The following NRXN3 variants were observed in gnomAD, a reference collection of about 807,000 sequenced individuals.
The protein encoded by NRXN3 is neurexin 3.
NRXN3 carries 32 observed loss-of-function variants against 137.6 expected under a neutral mutation model. The observed-to-expected ratio is 0.23, with a 90% CI of 0.18 to 0.31. The LOEUF (loss-of-function observed/expected upper bound fraction) is 0.31, where lower values mean the gene tolerates loss of function less well. NRXN3 is among the 10% of genes least tolerant of loss of function. NRXN3 has a pLI of 1.00. For synonymous variants in NRXN3, 798 were observed against 784.5 expected, an observed-to-expected ratio of 1.02 and a Z score of -0.29; for missense variants, 1,574 against 2,062.5, an observed-to-expected ratio of 0.76 and a Z score of 4.59.
chr14:79,419,120 A>C (rs2095539310), intron 15 of NRXN3, among the ~76,000 whole-genome samples: 1 of 152,240 alleles, frequency 6.6e-6, no homozygotes, highest in African/African-American at 2.4e-5. Flanking sequence ...AACTTAGATG[A>C]ATATGAAGTA....
intron 15 of NRXN3, among the ~76,000 whole-genome samples, chr14:79,161,591 A>G (rs2060777072): frequency 1.3e-5 from 2 of 151,984 alleles, no homozygotes; most frequent in South Asian, 4.1e-4. Flanking sequence ...AAGCGTGTTC[A>G]GTATGTGTTT....
intron 15 of NRXN3, among the ~76,000 whole-genome samples, chr14:79,460,377 AG>A: frequency 6.6e-6 from 1 of 152,270 alleles, no homozygotes; most frequent in South Asian, 2.1e-4. Context: ...AGAATTAAGT[AG>A]TGGTAGACTT....
intron 1 of NRXN3, among the ~76,000 whole-genome samples, chr14:78,205,402 A>G (rs991486340): frequency 1.3e-5 from 2 of 152,198 alleles, no homozygotes; most frequent in Non-Finnish European, 2.9e-5. Context: ...GGGTCTTTTC[A>G]GATTGGCTGA....
intron 4 of NRXN3, among the ~76,000 whole-genome samples, chr14:78,463,511 T>C (rs1023737352): frequency 6.6e-6 from 1 of 151,794 alleles, no homozygotes; most frequent in Non-Finnish European, 1.5e-5. Flanking sequence ...TTTACATTCC[T>C]ACAGTGTATA....
At chr14:78,277,743 T>C (rs1257624339) in intron 2 of NRXN3, among the ~76,000 whole-genome samples, 2 of 152,168 alleles carry the variant, frequency 1.3e-5, no homozygotes, top group African/African-American at 2.4e-5. Flanking sequence ...TGGGTTATGC[T>C]TCCCCAGCCC....
intron 15 of NRXN3, among the ~76,000 whole-genome samples, chr14:79,055,374 G>A (rs374214021): frequency 4.6e-5 from 7 of 152,250 alleles, no homozygotes; most frequent in Admixed American, 3.9e-4. Flanking sequence ...ATATTACTCC[G>A]ACTGTACAGG....
chr14:79,115,057 G>T (rs59502714), intron 15 of NRXN3, among the ~76,000 whole-genome samples: 2 of 151,996 alleles, frequency 1.3e-5, no homozygotes, highest in African/African-American at 2.4e-5. Context: ...CAGGCACGGT[G>T]GCTCACGCCT....
chr14:78,506,476 TA>T (rs2095993593), intron 4 of NRXN3, among the ~76,000 whole-genome samples: 3 of 152,062 alleles, frequency 2.0e-5, no homozygotes, highest in African/African-American at 7.2e-5. Flanking sequence ...GTTTTATTTT[TA>T]ATCTTTTGAG....
At chr14:79,299,874 G>T (rs992995453) in intron 15 of NRXN3, among the ~76,000 whole-genome samples, 5 of 152,024 alleles carry the variant, frequency 3.3e-5, no homozygotes, top group African/African-American at 1.2e-4. Flanking sequence ...AAATATGATG[G>T]CATGAAGCCA....
chr14:78,432,477 C>T (rs1366341289), intron 4 of NRXN3, among the ~76,000 whole-genome samples: 1 of 152,108 alleles, frequency 6.6e-6, no homozygotes, highest in African/African-American at 2.4e-5. Flanking sequence ...ACCCTGTCGA[C>T]CCAACAGTGA....
intron 15 of NRXN3, among the ~76,000 whole-genome samples, chr14:79,462,146 G>T (rs1004751228): frequency 6.6e-6 from 1 of 152,046 alleles, no homozygotes. Context: ...GGCTGAGGTG[G>T]GTGGATCACC....
chr14:79,743,086 T>C (rs1158875062), intron 19 of NRXN3, among the ~76,000 whole-genome samples: 1 of 152,196 alleles, frequency 6.6e-6, no homozygotes, highest in East Asian at 1.9e-4. Context: ...GTGGCTATTT[T>C]TGTGGCACCT....
intron 15 of NRXN3, among the ~76,000 whole-genome samples, chr14:79,299,874 G>A (rs992995453): frequency 6.6e-6 from 1 of 152,024 alleles, no homozygotes; most frequent in Non-Finnish European, 1.5e-5. Context: ...AAATATGATG[G>A]CATGAAGCCA....
intron 4 of NRXN3, among the ~76,000 whole-genome samples, chr14:78,616,470 C>A (rs978627764): frequency 3.3e-5 from 5 of 152,172 alleles, no homozygotes; most frequent in African/African-American, 1.2e-4. Flanking sequence ...TTTCTCTTTC[C>A]TCTTATTCCA....
chr14:78,542,581 C>T (rs1300079804), intron 4 of NRXN3, among the ~76,000 whole-genome samples: 2 of 152,134 alleles, frequency 1.3e-5, no homozygotes, highest in Non-Finnish European at 2.9e-5. Flanking sequence ...CCGTTTTTTC[C>T]AGGTAGTCTG....
chr14:78,296,344 G>T (rs925397751), intron 3 of NRXN3, among the ~76,000 whole-genome samples: 3 of 152,094 alleles, frequency 2.0e-5, no homozygotes, highest in Non-Finnish European at 2.9e-5. Context: ...AGGATTACAG[G>T]TGTGAGCCAC....
intron 15 of NRXN3, chr14:79,280,088 T>G: frequency 7.2e-7 from 1 of 1,389,892 alleles, no homozygotes. Context: ...AAGGGGCTTT[T>G]TGCCTTTTAT....
At chr14:78,908,381 C>A (rs546516147) in intron 10 of NRXN3, among the ~76,000 whole-genome samples, 2 of 151,998 alleles carry the variant, frequency 1.3e-5, no homozygotes, top group African/African-American at 4.8e-5. Context: ...ATCCTATCTT[C>A]ATCTTGCTAT....
intron 3 of NRXN3, among the ~76,000 whole-genome samples, chr14:78,295,257 C>G (rs1170582503): frequency 1.3e-5 from 2 of 152,190 alleles, no homozygotes; most frequent in African/African-American, 4.8e-5. Context: ...CACACTGATT[C>G]ATATCCATTT....
Sources: gnomAD v4.1 joint callset for allele counts (sites outside exome capture counted in the v4.1 genomes callset) on GRCh38, gnomAD v4.1.1 for gene constraint, MANE v1.5 for transcripts, NCBI Gene and HGNC (gene_info 2026-07-23, HGNC 2026-07-21) for gene names.